The following RIN3 variants were observed in gnomAD, a reference collection of about 807,000 sequenced individuals.
The protein encoded by RIN3 is RAB5 interacting protein 3.
RIN3 carries 54 observed loss-of-function variants against 76.3 expected under a neutral mutation model. That is an observed-to-expected ratio of 0.71 (90% CI 0.57 to 0.89). The LOEUF (loss-of-function observed/expected upper bound fraction) is 0.89, where lower values mean the gene tolerates loss of function less well. RIN3 is among the 40% of genes least tolerant of loss of function. The pLI is 0.00. For synonymous variants in RIN3, 576 were observed against 564.0 expected, an observed-to-expected ratio of 1.02 and a Z score of -0.30; for missense variants, 1,256 against 1,322.1, an observed-to-expected ratio of 0.95 and a Z score of 0.78.
chr14:92,684,385 CAAA>C (rs35113092), intron 8 of RIN3, among the ~76,000 whole-genome samples: 3 of 115,864 alleles, frequency 2.6e-5, no homozygotes, highest in Admixed American at 9.8e-5. Context: ...CAGACTTAGA[CAAA>C]AAAAAAAAAA....
At position 92,645,475 on chromosome 14, in the gene RIN3, G is replaced by A. The variant is rs529240322; in HGVS notation, c.532+4146G>A. 9.8e-4 allele frequency among the ~76,000 whole-genome samples: 150 copies of A among 152,354 alleles called. 1 individual carries two copies. The highest frequency in any genetic ancestry group is 3.5e-3 in the African/African-American group (145 of 41,584). ...ACGTGGTGCAGCATGGAATAACCTGGAAAACATGCTAAGTGAAGGGAGCTG... is the reference window on the plus strand; with the variant it reads ...ACGTGGTGCAGCATGGAATAACCTGAAAAACATGCTAAGTGAAGGGAGCTG... On this transcript the variant is annotated intron_variant, in intron 5 of 9. Transcript: ENST00000216487.
At position 92,656,483 on chromosome 14, in the gene RIN3, C is replaced by CT. The variant is rs1318681548; in HGVS notation, c.2027-2677dup. 2.0e-5 allele frequency among the ~76,000 whole-genome samples: 3 copies of CT among 152,194 alleles called. No individual in the cohort carries two copies. Among genetic ancestry groups the CT allele is most frequent in the African/African-American group, 7.2e-5 (3 of 41,440 alleles). ...AGGAGGTGGAGCACAAGCTGGACCT[C>CT]TGCTGGAAACAGCAGGAATGACTTC... is the stretch of plus-strand genomic sequence containing the variant. On this transcript the variant is annotated intron_variant, in intron 6 of 9. Transcript: ENST00000216487. The surrounding 1 kb of genome is among the most constrained non-coding windows in gnomAD (Gnocchi z 5.2).
At chr14:92,529,710 CAT>C (rs1239901858) in intron 1 of RIN3, among the ~76,000 whole-genome samples, 1 of 152,184 alleles carries the variant, frequency 6.6e-6, no homozygotes, top group Admixed American at 6.5e-5. Context: ...GATTTTGTGT[CAT>C]GTTTTCTCAT....
intron 6 of RIN3, 149 bp from the exon 7 acceptor site, chr14:92,659,012 G>T: frequency 1.4e-6 from 1 of 735,568 alleles, no homozygotes; most frequent in Non-Finnish European, 2.3e-6. Context: ...GCTCTCTCAT[G>T]TGTCAGAACC....
At chr14:92,558,525 G>A (rs942616319) in intron 2 of RIN3, among the ~76,000 whole-genome samples, 6 of 152,208 alleles carry the variant, frequency 3.9e-5, no homozygotes, top group Admixed American at 1.3e-4. Context: ...GAGGCTAAGA[G>A]GAGTGCTTTA....
At chr14:92,605,107 C>T (rs907833109) in intron 3 of RIN3, among the ~76,000 whole-genome samples, 1 of 151,940 alleles carries the variant, frequency 6.6e-6, no homozygotes, top group African/African-American at 2.4e-5. Flanking sequence ...GATGGTGTTT[C>T]ACCATGTTGC....
chr14:92,565,681 T>G (rs1897898103), intron 2 of RIN3, among the ~76,000 whole-genome samples: 1 of 152,218 alleles, frequency 6.6e-6, no homozygotes. Flanking sequence ...GTCTTTTAGC[T>G]TACTAATGCA....
At chr14:92,660,984 G>A (rs1293948079) in intron 7 of RIN3, among the ~76,000 whole-genome samples, 7 of 152,220 alleles carry the variant, frequency 4.6e-5, no homozygotes, top group African/African-American at 9.6e-5. Flanking sequence ...ACTCACAGAC[G>A]TGGGTTCGAA....
chr14:92,558,152 C>T (rs1897653361), intron 2 of RIN3, among the ~76,000 whole-genome samples: 1 of 152,176 alleles, frequency 6.6e-6, no homozygotes, highest in Non-Finnish European at 1.5e-5. Flanking sequence ...AGTTCAAGAC[C>T]AGCCTGGGCA....
chr14:92,641,073 T>C (rs1270566903), intron 4 of RIN3, among the ~76,000 whole-genome samples, 165 bp from the exon 5 acceptor site: 1 of 152,144 alleles, frequency 6.6e-6, no homozygotes, highest in African/African-American at 2.4e-5. Context: ...TAGAGTTGAC[T>C]TGATGCTCCT....
chr14:92,618,066 T>G (rs568487791), intron 4 of RIN3, among the ~76,000 whole-genome samples: 1 of 152,356 alleles, frequency 6.6e-6, no homozygotes, highest in African/African-American at 2.4e-5. Context: ...TCTGACTGAT[T>G]GTGAGGCAGC....
chr14:92,560,589 A>G (rs1294707262), intron 2 of RIN3, among the ~76,000 whole-genome samples: 2 of 152,154 alleles, frequency 1.3e-5, no homozygotes, highest in Non-Finnish European at 2.9e-5. Context: ...CAGAGAAGTC[A>G]ACTCACTTGC....
At chr14:92,538,058 C>T (rs1897047090) in intron 1 of RIN3, among the ~76,000 whole-genome samples, 1 of 151,946 alleles carries the variant, frequency 6.6e-6, no homozygotes, top group South Asian at 2.1e-4. Flanking sequence ...ATCTCTTGAC[C>T]TTGTGATCCA....
At chr14:92,633,870 TG>T in intron 4 of RIN3, among the ~76,000 whole-genome samples, 1 of 151,736 alleles carries the variant, frequency 6.6e-6, no homozygotes, top group Non-Finnish European at 1.5e-5. Flanking sequence ...TGTGTGTGTG[TG>T]TGTGTGTGTT....
Position 92,656,291 on chromosome 14 carries a change from C to T in RIN3, c.2027-2870C>T, listed in dbSNP as rs1053835830. On this transcript the variant is annotated intron_variant, in intron 6 of 9. Transcript: ENST00000216487. This position sits in a 1 kb window ranked among gnomAD's most constrained non-coding sequence, Gnocchi z 5.2. ...GGTGGGGAACGAGGCTGGAGGATCA[C>T]GGGCCATTCACACAGGCAGTGAAAG... is the stretch of plus-strand genomic sequence containing the variant. 3.9e-5 allele frequency among the ~76,000 whole-genome samples: 6 copies of T among 152,274 alleles called. No individual in the cohort carries two copies. Among genetic ancestry groups the T allele is most frequent in the South Asian group, 2.1e-4 (1 of 4,832 alleles).
At chr14:92,546,986 T>G (rs963160156) in intron 1 of RIN3, among the ~76,000 whole-genome samples, 1 of 101,386 alleles carries the variant, frequency 9.9e-6, no homozygotes. Flanking sequence ...AAAATTATTT[T>G]TATTTTATTA....
intron 8 of RIN3, among the ~76,000 whole-genome samples, 156 bp downstream of exon 8, chr14:92,676,762 T>A (rs1329932825): frequency 6.6e-6 from 1 of 152,134 alleles, no homozygotes; most frequent in East Asian, 1.9e-4. Context: ...ACAGGTCCTG[T>A]CCTGCAGGAG....
chr14:92,680,224 G>C (rs1888616643), intron 8 of RIN3, among the ~76,000 whole-genome samples: 1 of 140,076 alleles, frequency 7.1e-6, no homozygotes, highest in African/African-American at 3.0e-5. Flanking sequence ...TTTTGAGACA[G>C]AGTCTCTGTC....
rs965449102 is a variant in RIN3, at chr14:92,648,057, G to A, written c.533-3525G>A. 4.7e-5 allele frequency among the ~76,000 whole-genome samples: 7 copies of A among 150,252 alleles called. No homozygotes were observed. The highest frequency in any genetic ancestry group is 1.2e-4 in the African/African-American group (5 of 40,716). On this transcript the variant is annotated intron_variant, in intron 5 of 9. Transcript: ENST00000216487. This position sits in a 1 kb window ranked among gnomAD's most constrained non-coding sequence, Gnocchi z 4.1. ...GTTCTGTTTCTCCCCTGGCCTTGGC[G>A]TTCTCAGGCTGCAGAGAAAGTTACT...
Sources: gnomAD v4.1 joint callset for allele counts (sites outside exome capture counted in the v4.1 genomes callset) on GRCh38, gnomAD v4.1.1 for gene constraint, Gnocchi (gnomAD v3.1) non-coding constraint, MANE v1.5 for transcripts, NCBI Gene and HGNC (gene_info 2026-07-23, HGNC 2026-07-21) for gene names.